Variants in ZMAT4 observed in about 807,000 individuals in gnomAD.
The protein encoded by ZMAT4 is zinc finger matrin-type protein 4.
Under a neutral mutation model 28.7 loss-of-function variants are expected in ZMAT4, and 17 were observed. That is an observed-to-expected ratio of 0.59 (90% CI 0.41 to 0.89). The LOEUF is 0.89. Ranked by LOEUF, ZMAT4 falls within the 40% of genes least tolerant of loss-of-function variation. The pLI, the probability that ZMAT4 is intolerant of heterozygous loss-of-function variation, is 0.00. For missense variants in ZMAT4, 240 were observed against 283.8 expected (o/e 0.85, Z 1.11); for synonymous variants, 117 against 109.2 (o/e 1.07, Z -0.44).
intron 3 of ZMAT4, among the ~76,000 whole-genome samples, chr8:40,754,599 T>G (rs530206360): frequency 3.3e-5 from 5 of 152,210 alleles, no homozygotes; most frequent in Non-Finnish European, 7.3e-5. Context: ...AAAATTTTTA[T>G]TCCACCTGGG....
chr8:40,861,018 C>T (rs557184729), intron 1 of ZMAT4, among the ~76,000 whole-genome samples: 10 of 152,310 alleles, frequency 6.6e-5, no homozygotes, highest in Admixed American at 4.6e-4. Flanking sequence ...GACCACCCCT[C>T]CTAATCTAAA....
In ZMAT4 at chr8:40,746,879, C is replaced by T. The variant is rs147177309; in HGVS notation, c.192+20762G>A. Among the ~76,000 whole-genome samples, 515 of 152,278 alleles carry T rather than the reference C, an allele frequency of 3.4e-3. 1 individual carries two copies. The highest frequency in any genetic ancestry group is 0.011 in the African/African-American group (469 of 41,558). On this transcript the variant is annotated intron_variant, in intron 3 of 6. Transcript: ENST00000297737. ...TAATGCTGTCCCTCTTCCTGGAATGCTCTTCCTTAACCTTCTTACCCAGTA... is the reference window on the plus strand; with the variant it reads ...TAATGCTGTCCCTCTTCCTGGAATGTTCTTCCTTAACCTTCTTACCCAGTA...
Position 40,615,748 on chromosome 8 carries a change from T to C in ZMAT4, c.578-34487A>G, listed in dbSNP as rs9694634. Among the ~76,000 whole-genome samples the C allele has an allele frequency of 6.1e-3, 924 of 152,350 alleles. 8 individuals carry two copies. Among genetic ancestry groups the C allele is most frequent in the African/African-American group, 0.021 (868 of 41,580 alleles). On this transcript the variant is annotated intron_variant, in intron 5 of 6. Coordinates refer to ENST00000297737, the MANE Select transcript of ZMAT4 (RefSeq NM_024645.3). Reference sequence around the variant, plus strand: ...TACTGAAACTTGTGCATTCATCAAGTAGTTCTCGTGCCATGGTTTTCAGCT... The same window carrying C: ...TACTGAAACTTGTGCATTCATCAAGCAGTTCTCGTGCCATGGTTTTCAGCT...
intron 1 of ZMAT4, among the ~76,000 whole-genome samples, chr8:40,876,160 T>C (rs191147517): frequency 1.3e-5 from 2 of 152,266 alleles, no homozygotes; most frequent in African/African-American, 4.8e-5. Context: ...GACCCGCTTA[T>C]TTTCTTATTT....
At chr8:40,759,896 G>A (rs1244197954) in intron 3 of ZMAT4, among the ~76,000 whole-genome samples, 2 of 152,074 alleles carry the variant, frequency 1.3e-5, no homozygotes, top group Non-Finnish European at 1.5e-5. Flanking sequence ...CTATTGACAA[G>A]GCCAGACACA....
intron 5 of ZMAT4, among the ~76,000 whole-genome samples, chr8:40,668,154 A>G (rs1808509894): frequency 6.6e-6 from 1 of 152,070 alleles, no homozygotes. Context: ...GCAGCAGAAG[A>G]GTTCCCAGGC....
At chr8:40,856,230 G>C (rs956928973) in intron 1 of ZMAT4, among the ~76,000 whole-genome samples, 1 of 152,152 alleles carries the variant, frequency 6.6e-6, no homozygotes, top group African/African-American at 2.4e-5. Context: ...GGAAAGATGT[G>C]AGCGCCAAAG....
intron 5 of ZMAT4, among the ~76,000 whole-genome samples, chr8:40,635,367 A>G (rs1806753504): frequency 6.6e-6 from 1 of 152,040 alleles, no homozygotes; most frequent in Admixed American, 6.6e-5. Context: ...TCTCCCTAAC[A>G]ATCCCCTGTT....
intron 5 of ZMAT4, among the ~76,000 whole-genome samples, chr8:40,635,666 A>C (rs1806764176): frequency 6.6e-6 from 1 of 152,230 alleles, no homozygotes; most frequent in African/African-American, 2.4e-5. Context: ...TAAACATAGA[A>C]GTCCGAGGTT....
At chr8:40,717,525 G>A (rs937244235) in intron 3 of ZMAT4, among the ~76,000 whole-genome samples, 4 of 152,032 alleles carry the variant, frequency 2.6e-5, no homozygotes, top group Admixed American at 2.6e-4. Context: ...GCCAGGTGTG[G>A]TGGTGCATGC....
chr8:40,550,646 G>A (rs1803340374), intron 6 of ZMAT4, among the ~76,000 whole-genome samples: 1 of 152,076 alleles, frequency 6.6e-6, no homozygotes. Context: ...GAGATCTGAT[G>A]GTTTTATAAG....
intron 5 of ZMAT4, among the ~76,000 whole-genome samples, chr8:40,613,038 C>T (rs1805858259): frequency 6.6e-6 from 1 of 151,652 alleles, no homozygotes; most frequent in Non-Finnish European, 1.5e-5. Context: ...GTCTCAAACT[C>T]CTGACCTCGT....
chr8:40,748,861 G>A (rs917290556), intron 3 of ZMAT4, among the ~76,000 whole-genome samples: 1 of 152,022 alleles, frequency 6.6e-6, no homozygotes, highest in South Asian at 2.1e-4. Context: ...ATATGGTTTG[G>A]TTGTGTCCCC....
At chr8:40,642,296 G>A (rs1372775721) in intron 5 of ZMAT4, among the ~76,000 whole-genome samples, 1 of 152,162 alleles carries the variant, frequency 6.6e-6, no homozygotes, top group African/African-American at 2.4e-5. Context: ...CACTGTTCTA[G>A]CGGGTGAACA....
intron 5 of ZMAT4, among the ~76,000 whole-genome samples, chr8:40,594,893 T>A (rs573360524): frequency 2.0e-4 from 30 of 152,322 alleles, no homozygotes; most frequent in African/African-American, 7.0e-4. Context: ...TGGAAAATTA[T>A]CTCGAGTCTT....
intron 5 of ZMAT4, among the ~76,000 whole-genome samples, chr8:40,652,267 G>C (rs1202330546): frequency 1.9e-5 from 2 of 104,900 alleles, no homozygotes; most frequent in African/African-American, 6.4e-5. Flanking sequence ...CAAAAAGTGG[G>C]TGAAGGACAT....
intron 2 of ZMAT4, among the ~76,000 whole-genome samples, chr8:40,779,130 A>G (rs759002209): frequency 6.6e-6 from 1 of 151,990 alleles, no homozygotes. Context: ...AGTTTCCCCA[A>G]ATACTGTTCT....
intron 1 of ZMAT4, among the ~76,000 whole-genome samples, chr8:40,835,679 C>T (rs1816452955): frequency 6.6e-6 from 1 of 152,208 alleles, no homozygotes; most frequent in Admixed American, 6.5e-5. Flanking sequence ...GCATTCAGGG[C>T]CCAGGGAAGC....
chr8:40,846,132 T>C (rs934091862), intron 1 of ZMAT4, among the ~76,000 whole-genome samples: 2 of 152,192 alleles, frequency 1.3e-5, no homozygotes, highest in Non-Finnish European at 2.9e-5. Flanking sequence ...GACCGGGAGA[T>C]AGCAACTATT....
Sources: allele counts gnomAD v4.1 joint callset (sites outside exome capture counted in the v4.1 genomes callset), GRCh38; gene constraint gnomAD v4.1.1; transcripts MANE v1.5; gene names NCBI Gene and HGNC (gene_info 2026-07-23, HGNC 2026-07-21).